The following GRM5 variants were observed in gnomAD, a reference collection of about 807,000 sequenced individuals.
GRM5 encodes metabotropic glutamate receptor 5.
A neutral mutation model predicts 83.1 loss-of-function variants in GRM5; 19 were observed. The observed-to-expected ratio is 0.23, with a 90% confidence interval of 0.16 to 0.34. The LOEUF (loss-of-function observed/expected upper bound fraction) is 0.34, where lower values mean the gene tolerates loss of function less well. Ranked by LOEUF, GRM5 falls within the 10% of genes least tolerant of loss-of-function variation. The probability of loss-of-function intolerance (pLI) is 1.00; values close to 1 mark genes in which losing one functional copy is unlikely to be tolerated. For synonymous variants in GRM5, 675 were observed against 633.6 expected, an observed-to-expected ratio of 1.07 and a Z score of -0.98; for missense variants, 1,160 against 1,588.3, an observed-to-expected ratio of 0.73 and a Z score of 4.58.
intron 3 of GRM5, among the ~76,000 whole-genome samples, chr11:88,660,328 T>G (rs1337448987): frequency 1.2e-4 from 19 of 152,196 alleles, no homozygotes; most frequent in Admixed American, 1.2e-3. Flanking sequence ...TCTGGATATT[T>G]CCAAGTTCTT....
rs193141529 is a variant in GRM5 at position 88,560,106 on chromosome 11, G to A, written c.2630+6947C>T. ...ATCAGTGTGGAAAGTCAGGCAGGGG[G>A]TGGCCAGAAGCAAGGCTAGCTAAGG... On this transcript the variant is annotated intron_variant, in intron 8 of 9. Transcript: ENST00000305447. 6.0e-4 allele frequency among the ~76,000 whole-genome samples: 91 copies of A among 152,212 alleles called. No homozygotes were observed. In the Middle Eastern group the frequency reaches 0.024, roughly 40 times the overall value.
At chr11:88,644,700 A>G in intron 4 of GRM5, among the ~76,000 whole-genome samples, 1 of 152,160 alleles carries the variant, frequency 6.6e-6, no homozygotes. Context: ...AGAATTTTTG[A>G]AGAATACAAG....
At chr11:88,537,783 A>T (rs1404654266) in intron 8 of GRM5, among the ~76,000 whole-genome samples, 2 of 152,186 alleles carry the variant, frequency 1.3e-5, no homozygotes, top group Non-Finnish European at 2.9e-5. Context: ...TTGAAATGTC[A>T]ACTTGATTCC....
At chr11:88,964,072 A>G (rs2134990405) in intron 2 of GRM5, among the ~76,000 whole-genome samples, 1 of 152,324 alleles carries the variant, frequency 6.6e-6, no homozygotes, top group African/African-American at 2.4e-5. Flanking sequence ...TTTGTAATCT[A>G]GGTTGACTGA....
intron 3 of GRM5, among the ~76,000 whole-genome samples, chr11:88,771,613 G>T (rs1287292945): frequency 1.3e-5 from 2 of 152,012 alleles, no homozygotes; most frequent in African/African-American, 2.4e-5. Context: ...CACATTGAGG[G>T]TCTTCCTCTC....
intron 3 of GRM5, among the ~76,000 whole-genome samples, chr11:88,797,525 C>A (rs528463237): frequency 3.5e-4 from 53 of 152,310 alleles, no homozygotes; most frequent in African/African-American, 1.2e-3. Context: ...ATGACCTAAG[C>A]AATAGCACAA....
chr11:88,590,936 T>C (rs930545601), intron 6 of GRM5, among the ~76,000 whole-genome samples: 1 of 152,162 alleles, frequency 6.6e-6, no homozygotes, highest in African/African-American at 2.4e-5. Flanking sequence ...TAAAGTTAGC[T>C]TGTGGCAGGA....
chr11:88,988,193 T>G (rs1343511969), intron 2 of GRM5, among the ~76,000 whole-genome samples: 2 of 151,360 alleles, frequency 1.3e-5, no homozygotes, highest in Non-Finnish European at 2.9e-5. Flanking sequence ...AAACCAAGGC[T>G]CGAGAACTAC....
At chr11:89,055,022 C>T (rs964979057) in intron 1 of GRM5, among the ~76,000 whole-genome samples, 5 of 152,176 alleles carry the variant, frequency 3.3e-5, no homozygotes, top group African/African-American at 1.2e-4. Flanking sequence ...AACTTTCTCC[C>T]TTGAGACCTT....
chr11:88,572,517 TTA>T (rs1943025298), intron 7 of GRM5, among the ~76,000 whole-genome samples: 1 of 152,196 alleles, frequency 6.6e-6, no homozygotes, highest in Admixed American at 6.6e-5. Flanking sequence ...CATTAGATAA[TTA>T]TATGTTTTTT....
intron 4 of GRM5, among the ~76,000 whole-genome samples, chr11:88,648,773 G>T (rs1939540013): frequency 6.6e-6 from 1 of 151,778 alleles, no homozygotes; most frequent in Admixed American, 6.6e-5. Context: ...TTTTCCTGAA[G>T]ATATAGGCCA....
At chr11:88,524,214 C>CTTTTTTTTTTTTTTTTTTTTTTTTTTT (rs71470770) in intron 9 of GRM5, among the ~76,000 whole-genome samples, 1 of 101,408 alleles carries the variant, frequency 9.9e-6, no homozygotes, top group African/African-American at 4.5e-5. Flanking sequence ...TTCTTTCTTT[C>CTTTTTTTTTTTTTTTTTTTTTTTTTTT]TTTTTTTTTT....
chr11:89,035,366 G>A (rs572372305), intron 2 of GRM5, among the ~76,000 whole-genome samples: 9 of 151,766 alleles, frequency 5.9e-5, no homozygotes, highest in Non-Finnish European at 1.3e-4. Context: ...ATGTAATTCA[G>A]TAATATATTT....
rs542039328 is a variant in GRM5, at chr11:88,786,566, T to C, written c.911+63340A>G. Among the ~76,000 whole-genome samples the C allele has an allele frequency of 2.0e-5, 3 of 152,292 alleles. No homozygotes were observed. In the East Asian group the frequency reaches 5.8e-4, roughly 29 times the overall value. On this transcript the variant is annotated intron_variant, in intron 3 of 9. Coordinates refer to ENST00000305447, the MANE Select transcript of GRM5 (RefSeq NM_001143831.3). Reference sequence around the variant, plus strand: ...CAATGTGTGGAACATGTTCTACTTCTGAGCTTTTGTTCTTGCTGTGCCCTC... The same window carrying C: ...CAATGTGTGGAACATGTTCTACTTCCGAGCTTTTGTTCTTGCTGTGCCCTC...
rs1228808793 is a variant in GRM5, at chr11:88,522,601, C to CTG, written c.2726+2707_2726+2708insCA. Reference sequence around the variant, plus strand: ...TCTCTCTCTCTCGCTCTCTCTCTCTCTCTGTGTGTGTGTGTGTGTGTGTGT... The same window carrying CTG: ...TCTCTCTCTCTCGCTCTCTCTCTCTCTGTCTGTGTGTGTGTGTGTGTGTGTGT... On this transcript the variant is annotated intron_variant, in intron 9 of 9. Transcript: ENST00000305447. Among the ~76,000 whole-genome samples the CTG allele has an allele frequency of 7.1e-3, 665 of 93,534 alleles. 20 individuals carry two copies. In the South Asian group the frequency reaches 0.13, roughly 18 times the overall value. The allele number at this position is 93,534 out of a possible 152,430, so 61.4% of individuals were successfully genotyped here.
intron 3 of GRM5, among the ~76,000 whole-genome samples, chr11:88,848,120 G>T (rs1167235541): frequency 1.3e-5 from 2 of 152,092 alleles, no homozygotes; most frequent in African/African-American, 2.4e-5. Context: ...TACTGCAGTG[G>T]TAACACTGCA....
chr11:88,708,473 G>C (rs1474388337), intron 3 of GRM5, among the ~76,000 whole-genome samples: 1 of 152,008 alleles, frequency 6.6e-6, no homozygotes, highest in African/African-American at 2.4e-5. Context: ...AAGACTTTGA[G>C]GTATGAGTAT....
intron 2 of GRM5, among the ~76,000 whole-genome samples, chr11:88,944,745 A>T: frequency 6.6e-6 from 1 of 151,930 alleles, no homozygotes; most frequent in East Asian, 1.9e-4. Context: ...TGACAAAACC[A>T]CCGCCAACAA....
intron 8 of GRM5, among the ~76,000 whole-genome samples, chr11:88,560,808 C>CTG (rs1942737859): frequency 6.6e-6 from 1 of 152,192 alleles, no homozygotes; most frequent in African/African-American, 2.4e-5. Context: ...GTACACAAAA[C>CTG]AAACTCAATA....
Sources: allele counts gnomAD v4.1 joint callset (sites outside exome capture counted in the v4.1 genomes callset), GRCh38; gene constraint gnomAD v4.1.1; transcripts MANE v1.5; gene names NCBI Gene and HGNC (gene_info 2026-07-23, HGNC 2026-07-21).